The following PLA2G4A variants were observed in gnomAD, a reference collection of about 807,000 sequenced individuals.
PLA2G4A encodes cytosolic phospholipase A2.
In PLA2G4A, 40 loss-of-function variants were observed where a neutral mutation model predicts 81.9. The ratio of observed to expected loss-of-function variants is 0.49; its 90% CI spans 0.38 to 0.64. PLA2G4A has a LOEUF of 0.64. Ranked by LOEUF, PLA2G4A falls within the 30% of genes least tolerant of loss-of-function variation. PLA2G4A has a pLI of 0.00. For synonymous variants in PLA2G4A, 302 were observed against 296.9 expected, an observed-to-expected ratio of 1.02 and a Z score of -0.18; for missense variants, 715 against 905.1, an observed-to-expected ratio of 0.79 and a Z score of 2.69.
At chr1:186,920,272 C>T (rs1435625083) in intron 7 of PLA2G4A, among the ~76,000 whole-genome samples, 1 of 152,190 alleles carries the variant, frequency 6.6e-6, no homozygotes, top group Non-Finnish European at 1.5e-5. Flanking sequence ...AAGCAAGTCT[C>T]TTCCCAGCAA....
chr1:186,897,346 A>G (rs904881508), intron 5 of PLA2G4A, among the ~76,000 whole-genome samples: 37 of 152,128 alleles, frequency 2.4e-4, no homozygotes, highest in Non-Finnish European at 4.4e-4. Flanking sequence ...TCTGTCATTC[A>G]TAGCTCTCCA....
At chr1:186,895,501 C>G (rs149701281) in intron 5 of PLA2G4A, among the ~76,000 whole-genome samples, 3 of 152,280 alleles carry the variant, frequency 2.0e-5, no homozygotes, top group African/African-American at 7.2e-5. Context: ...TGTGTGCCAG[C>G]CATTGTGTTT....
intron 13 of PLA2G4A, among the ~76,000 whole-genome samples, chr1:186,953,152 A>G (rs1202495127): frequency 6.6e-6 from 1 of 152,258 alleles, no homozygotes; most frequent in Admixed American, 6.5e-5. Flanking sequence ...ATGGTCTTCC[A>G]AAGTGGCTGT....
In PLA2G4A at chr1:186,977,657, A is replaced by G; in HGVS notation, c.1829A>G (p.Tyr610Cys). The stretch of plus-strand genomic sequence containing the variant: ...CTCCCCTTTCCAAAGATTGATCCTT[A>G]TGTGTTTGATCGGGAAGGGCTGAAG... The part of the protein sequence containing the change: ...NKLPFPKIDP[Y>C]VFDREGLKEC... The change falls in exon 16 of 18, where the codon TAT becomes TGT. Residue 610 changes from tyrosine to cysteine, a missense_variant. Tyr to Cys is a radical substitution (Grantham distance 194, BLOSUM62 -2). Transcript: ENST00000367466. The G allele has an allele frequency of 6.2e-7, 1 of 1,613,538 alleles. No homozygotes were observed. The highest frequency in any genetic ancestry group is 8.5e-7 in the Non-Finnish European group (1 of 1,179,464).
chr1:186,927,015 A>G (rs1199880447), intron 7 of PLA2G4A, among the ~76,000 whole-genome samples: 1 of 152,228 alleles, frequency 6.6e-6, no homozygotes, highest in Non-Finnish European at 1.5e-5. Flanking sequence ...CTAAGCGTTT[A>G]TTCTCTTAAG....
intron 1 of PLA2G4A, among the ~76,000 whole-genome samples, chr1:186,843,602 G>T (rs2102010905): frequency 6.6e-6 from 1 of 152,280 alleles, no homozygotes; most frequent in East Asian, 1.9e-4. Flanking sequence ...AGGTACAAGG[G>T]TCCTAATCTA....
chr1:186,905,759 G>A (rs75166071), intron 5 of PLA2G4A, among the ~76,000 whole-genome samples: 3,139 of 151,918 alleles, frequency 0.021, 111 homozygotes, highest in African/African-American at 0.07. Context: ...GTTATCTGTT[G>A]TATGCCAAAT....
chr1:186,970,731 A>G (rs1657328565), intron 15 of PLA2G4A, among the ~76,000 whole-genome samples: 1 of 151,884 alleles, frequency 6.6e-6, no homozygotes, highest in African/African-American at 2.4e-5. Flanking sequence ...GGGTGGATTT[A>G]TTTCTGGGTT....
Position 186,870,521 on chromosome 1 carries a change from G to A in PLA2G4A, c.115+5G>A. On this transcript the variant is annotated splice_donor_5th_base_variant and intron_variant, in intron 3 of 17. Transcript: ENST00000367466. ...AGGGGGCCTTTGGTGACATGCGTAA[G>A]TGCCCTTTTTTTCTTTGCTGTTAAA... The A allele has an allele frequency of 1.3e-6, 2 of 1,595,276 alleles. No individual in the cohort carries two copies. Among genetic ancestry groups the A allele is most frequent in the Non-Finnish European group, 1.7e-6 (2 of 1,163,328 alleles).
intron 17 of PLA2G4A, among the ~76,000 whole-genome samples, chr1:186,982,909 T>A (rs1231844852): frequency 6.6e-6 from 1 of 151,770 alleles, no homozygotes; most frequent in South Asian, 2.1e-4. Context: ...AAACCCCGTC[T>A]CTACTAAAAA....
intron 13 of PLA2G4A, among the ~76,000 whole-genome samples, chr1:186,954,150 A>T (rs1656660683): frequency 6.6e-6 from 1 of 152,188 alleles, no homozygotes; most frequent in Admixed American, 6.5e-5. Flanking sequence ...ATGTATGTTT[A>T]TGGTGGCGCT....
intron 7 of PLA2G4A, among the ~76,000 whole-genome samples, chr1:186,927,149 A>G (rs1430939153): frequency 6.6e-6 from 1 of 152,154 alleles, no homozygotes; most frequent in Non-Finnish European, 1.5e-5. Context: ...CTTTGCATTC[A>G]GCTGCGATTG....
At chr1:186,844,764 T>C (rs148345626) in intron 1 of PLA2G4A, among the ~76,000 whole-genome samples, 1 of 152,358 alleles carries the variant, frequency 6.6e-6, no homozygotes, top group African/African-American at 2.4e-5. Context: ...TGTGCACATG[T>C]ACCCTAAAAC....
At chr1:186,910,515 T>C (rs1654901811) in intron 6 of PLA2G4A, among the ~76,000 whole-genome samples, 1 of 152,168 alleles carries the variant, frequency 6.6e-6, no homozygotes, top group Non-Finnish European at 1.5e-5. Context: ...AGTTTTCTAA[T>C]TTATAAAGCT....
intron 15 of PLA2G4A, among the ~76,000 whole-genome samples, chr1:186,969,698 T>C (rs1454423117): frequency 6.6e-6 from 1 of 151,638 alleles, no homozygotes; most frequent in Non-Finnish European, 1.5e-5. Flanking sequence ...TAATGTCCTC[T>C]AGTTCTAGTT....
chr1:186,978,051 T>C (rs1657593187), intron 16 of PLA2G4A, among the ~76,000 whole-genome samples: 2 of 152,226 alleles, frequency 1.3e-5, no homozygotes, highest in African/African-American at 2.4e-5. Context: ...TTCAATACTT[T>C]GAATTATGTT....
At chr1:186,855,814 T>A (rs1339242446) in intron 2 of PLA2G4A, among the ~76,000 whole-genome samples, 1 of 152,088 alleles carries the variant, frequency 6.6e-6, no homozygotes, top group African/African-American at 2.4e-5. Flanking sequence ...CAGGCTACCA[T>A]ATATGTGTGG....
intron 8 of PLA2G4A, among the ~76,000 whole-genome samples, chr1:186,938,298 ATTTT>A (rs1656025879): frequency 6.6e-6 from 1 of 152,112 alleles, no homozygotes; most frequent in Admixed American, 6.6e-5. Context: ...CCATAACTAA[ATTTT>A]TATTATCTAG....
intron 4 of PLA2G4A, 23 bp downstream of exon 4, chr1:186,893,182 G>T (rs1416507090): frequency 1.0e-5 from 16 of 1,593,830 alleles, no homozygotes; most frequent in African/African-American, 1.3e-5. Context: ...TTTGGATGCT[G>T]TTAGATGGTT....
Sources: gnomAD v4.1 joint callset for allele counts (sites outside exome capture counted in the v4.1 genomes callset) on GRCh38, gnomAD v4.1.1 for gene constraint, MANE v1.5 for transcripts, NCBI Gene and HGNC (gene_info 2026-07-23, HGNC 2026-07-21) for gene names.